The following ILDR2 variants were observed in gnomAD, a reference collection of about 807,000 sequenced individuals.
ILDR2 encodes immunoglobulin-like domain-containing receptor 2.
Under a neutral mutation model 66.8 loss-of-function variants are expected in ILDR2, and 25 were observed. The observed-to-expected ratio is 0.37, with a 90% CI of 0.27 to 0.52. The LOEUF (loss-of-function observed/expected upper bound fraction) is 0.52, where lower values mean the gene tolerates loss of function less well. ILDR2 is among the 20% of genes least tolerant of loss of function. ILDR2 has a pLI of 0.88. For synonymous variants in ILDR2, 367 were observed against 357.2 expected (o/e 1.03, Z -0.31); for missense variants, 827 against 876.8 (o/e 0.94, Z 0.72).
chr1:166,905,181 A>G (rs573654184), downstream of ILDR2, among the ~76,000 whole-genome samples: 46 of 151,770 alleles, frequency 3.0e-4, no homozygotes, highest in African/African-American at 9.9e-4. Flanking sequence ...CTCAAAATCT[A>G]TTTTTTTTCC....
Position 166,914,092 on chromosome 1 carries a change from G to C in ILDR2, c.*5263C>G, listed in dbSNP as rs1659548497. 1.3e-5 allele frequency: 2 copies of C among 150,636 alleles called. No homozygotes were observed. Among genetic ancestry groups the C allele is most frequent in the South Asian group, 4.2e-4 (2 of 4,712 alleles). The allele number at this position is 150,636 out of a possible 1,614,324, so 9.3% of individuals were successfully genotyped here. On this transcript the variant is annotated 3_prime_UTR_variant, in exon 10 of 10. Coordinates refer to ENST00000271417, the MANE Select transcript of ILDR2 (RefSeq NM_199351.3). Reference sequence around the variant, plus strand: ...GCACCACTGCACTGCACTGCACCATGGGCCACAGAGCAAGACCCTGTCTCA... The same window carrying C: ...GCACCACTGCACTGCACTGCACCATCGGCCACAGAGCAAGACCCTGTCTCA...
At chr1:166,944,327 T>C (rs949770333) in intron 3 of ILDR2, among the ~76,000 whole-genome samples, 3 of 152,354 alleles carry the variant, frequency 2.0e-5, no homozygotes, top group African/African-American at 4.8e-5. Flanking sequence ...AAGAAATTTA[T>C]ATTTAGCTAG....
chr1:166,938,729 A>C (rs1661131835), intron 4 of ILDR2, among the ~76,000 whole-genome samples: 1 of 152,190 alleles, frequency 6.6e-6, no homozygotes, highest in Non-Finnish European at 1.5e-5. Context: ...GCAGCTCTTA[A>C]AACTTTGGCA....
At chr1:166,901,021 C>T (rs1018695276) in intron 2 of ILDR2, among the ~76,000 whole-genome samples, 2 of 152,180 alleles carry the variant, frequency 1.3e-5, no homozygotes, top group Non-Finnish European at 2.9e-5. Flanking sequence ...GTGGAGCACA[C>T]CAAAAGCACA....
intron 1 of ILDR2, among the ~76,000 whole-genome samples, chr1:166,961,858 A>C (rs1216263380): frequency 6.6e-6 from 1 of 152,210 alleles, no homozygotes; most frequent in Non-Finnish European, 1.5e-5. Context: ...TTAGGAGTTC[A>C]ATAGTGACAG....
In ILDR2 at chr1:166,959,329, G is replaced by A. The variant is rs140260053; in HGVS notation, c.47-1228C>T. ...CTGTCAGGCCTGTCAGACTCGTCAG[G>A]TGTGGAAGGTATCTTCCCTTGCTGC... On this transcript the variant is annotated intron_variant, in intron 1 of 9. Transcript: ENST00000271417. Among the ~76,000 whole-genome samples the A allele has an allele frequency of 3.3e-3, 498 of 152,300 alleles. 3 individuals are homozygous for A. Among genetic ancestry groups the A allele is most frequent in the Non-Finnish European group, 5.0e-3 (343 of 68,032 alleles).
chr1:166,951,826 A>C (rs1442314016), intron 3 of ILDR2, among the ~76,000 whole-genome samples: 2 of 152,190 alleles, frequency 1.3e-5, no homozygotes, highest in Non-Finnish European at 2.9e-5. Context: ...GGAGTTTCTT[A>C]TAATTTCCCT....
chr1:166,960,440 A>G (rs1425883022), intron 1 of ILDR2, among the ~76,000 whole-genome samples: 1 of 152,206 alleles, frequency 6.6e-6, no homozygotes, highest in Non-Finnish European at 1.5e-5. Context: ...TACACTAATG[A>G]TGGTTTCTTA....
chr1:166,906,400 A>T (rs1408067580), downstream of ILDR2, among the ~76,000 whole-genome samples: 1 of 152,214 alleles, frequency 6.6e-6, no homozygotes, highest in Non-Finnish European at 1.5e-5. Context: ...AAAAGATGCA[A>T]CATCCAAGCT....
chr1:166,941,912 T>C (rs2312238), intron 3 of ILDR2, among the ~76,000 whole-genome samples: 1 of 151,974 alleles, frequency 6.6e-6, no homozygotes, highest in Non-Finnish European at 1.5e-5. Context: ...TAAAAATCCA[T>C]ACATTCAAGG....
intron 1 of ILDR2, 31 bp from the exon 2 acceptor site, chr1:166,958,132 T>A: frequency 6.4e-7 from 1 of 1,566,060 alleles, no homozygotes; most frequent in Middle Eastern, 1.8e-4. Context: ...GTCCGAACAG[T>A]GTCCATATCC....
At chr1:166,956,877 A>G in intron 2 of ILDR2, 25 bp from the exon 3 acceptor site, 1 of 1,612,806 alleles carries the variant, frequency 6.2e-7, no homozygotes, top group East Asian at 2.2e-5. Context: ...AGAAGGACTC[A>G]GTCCTAAAAC....
At chr1:166,927,625 A>C (rs1157453268) in intron 6 of ILDR2, among the ~76,000 whole-genome samples, 3 of 152,250 alleles carry the variant, frequency 2.0e-5, no homozygotes, top group Non-Finnish European at 2.9e-5. Flanking sequence ...ACAGATACTC[A>C]AACATCAAGG....
At chr1:166,972,646 G>A (rs1041734550) in intron 1 of ILDR2, among the ~76,000 whole-genome samples, 3 of 152,048 alleles carry the variant, frequency 2.0e-5, no homozygotes, top group South Asian at 2.1e-4. Flanking sequence ...GAGCCTGGAG[G>A]AAAAAACTGA....
chr1:166,967,775 C>G (rs1346066885), intron 1 of ILDR2, among the ~76,000 whole-genome samples: 4 of 152,052 alleles, frequency 2.6e-5, no homozygotes, highest in Non-Finnish European at 5.9e-5. Flanking sequence ...CAAAACAAAA[C>G]ACATTTCTCC....
intron 3 of ILDR2, among the ~76,000 whole-genome samples, chr1:166,950,864 G>A (rs577440075): frequency 7.9e-5 from 12 of 152,056 alleles, no homozygotes; most frequent in African/African-American, 2.7e-4. Flanking sequence ...GAAAACAAAG[G>A]CAATTCTGTG....
At chr1:166,943,524 T>G (rs1329943095) in intron 3 of ILDR2, among the ~76,000 whole-genome samples, 1 of 145,858 alleles carries the variant, frequency 6.9e-6, no homozygotes, top group Non-Finnish European at 1.5e-5. Flanking sequence ...AAAGGCTCTA[T>G]AGCTTTTACA....
In ILDR2 at chr1:166,921,022, T is replaced by G; in HGVS notation, c.1569A>C (p.Lys523Asn). Residue 523 changes from lysine to asparagine, a missense_variant, in exon 9 of 10, where the codon AAA becomes AAC. Physicochemically the swap from Lys to Asn is moderately conservative, Grantham distance 94. Transcript: ENST00000271417. The surrounding 1 kb of genome is among the most constrained non-coding windows in gnomAD (Gnocchi z 5.3). ...CGCTGCCCAGGTACGAGTGGTCGTA[T>G]TTGGGTGCGGTGCCTGGCGTGCGGC... ...LVSRTPGTAP[K>N]YDHSYLGSAR... is the part of the protein sequence containing the mutation. The G allele has an allele frequency of 6.6e-7, 1 of 1,514,958 alleles. No homozygotes were observed. The allele number at this position is 1,514,958 out of a possible 1,614,324, so 93.8% of individuals were successfully genotyped here.
chr1:166,957,896 G>A lies in ILDR2; in HGVS notation c.252C>T (p.Asn84=). Residue 84 remains asparagine (N), a synonymous_variant, in exon 2 of 10, where the codon AAC becomes AAT. Transcript: ENST00000271417. ...AATCCAAGTAGGGGTCCCATTCCAG[G>A]TTTCTCTTGCTGAGAGATTGGGCCC... ...STRAQSLSKR[N]LEWDPYLDCL... The A allele has an allele frequency of 6.2e-7, 1 of 1,614,138 alleles. No individual in the cohort carries two copies. The highest frequency in any genetic ancestry group is 8.5e-7 in the Non-Finnish European group (1 of 1,180,022).
Sources: allele counts gnomAD v4.1 joint callset (sites outside exome capture counted in the v4.1 genomes callset), GRCh38; gene constraint gnomAD v4.1.1; non-coding constraint Gnocchi (gnomAD v3.1); transcripts MANE v1.5; gene names NCBI Gene and HGNC (gene_info 2026-07-23, HGNC 2026-07-21).